MARCHF7: variants seen among roughly 807,000 people sequenced by gnomAD.
MARCHF7 encodes the protein membrane associated ring-CH-type finger 7.
MARCHF7 carries 20 observed loss-of-function variants against 76.5 expected under a neutral mutation model. The observed-to-expected ratio is 0.26, with a 90% confidence interval of 0.18 to 0.38. MARCHF7 has a LOEUF of 0.38. Among genes scored for constraint, MARCHF7 ranks in the 10% least tolerant of loss-of-function variants. The pLI is 1.00. For missense variants in MARCHF7, 797 were observed against 812.9 expected (o/e 0.98, Z 0.24); for synonymous variants, 295 against 293.0 (o/e 1.01, Z -0.07).
chr2:159,733,693 T>C (rs1574281045), intron 4 of MARCHF7: 2 of 985,420 alleles, frequency 2.0e-6, no homozygotes, highest in South Asian at 4.7e-5. Flanking sequence ...TTCAGTTATG[T>C]TATAGACTTA....
intron 3 of MARCHF7, among the ~76,000 whole-genome samples, chr2:159,717,529 A>T (rs991227093): frequency 2.6e-5 from 4 of 152,216 alleles, no homozygotes; most frequent in Non-Finnish European, 4.4e-5. Context: ...ACTTTAAGTC[A>T]TACTCAGGTA....
chr2:159,716,266 A>AT (rs11454651), intron 3 of MARCHF7, among the ~76,000 whole-genome samples: 56,954 of 148,166 alleles, frequency 0.38, 11,328 homozygotes, highest in Admixed American at 0.51. Context: ...CCAGAAGCAG[A>AT]TTTTTTTTTT....
intron 8 of MARCHF7, among the ~76,000 whole-genome samples, chr2:159,756,479 G>A (rs1292076712): frequency 2.0e-5 from 3 of 152,014 alleles, no homozygotes; most frequent in East Asian, 3.9e-4. Flanking sequence ...CTGAGGTCAG[G>A]AGTTCAAGAC....
intron 4 of MARCHF7, chr2:159,732,822 A>G (rs1702977595): frequency 2.0e-6 from 2 of 984,164 alleles, no homozygotes; most frequent in Non-Finnish European, 1.2e-6. Context: ...ATCTGCCATC[A>G]TGCCTGGCCT....
chr2:159,740,891 A>G (rs1704045083), intron 4 of MARCHF7, among the ~76,000 whole-genome samples: 1 of 152,158 alleles, frequency 6.6e-6, no homozygotes, highest in African/African-American at 2.4e-5. Context: ...TAATTGAACC[A>G]TATTGGCTGG....
intron 1 of MARCHF7, among the ~76,000 whole-genome samples, chr2:159,714,096 A>G (rs935712669): frequency 6.6e-6 from 1 of 152,232 alleles, no homozygotes; most frequent in Non-Finnish European, 1.5e-5. Context: ...TGGACACAAA[A>G]GTCATCCATG....
At chr2:159,742,430 G>C (rs1414322857) in intron 4 of MARCHF7, among the ~76,000 whole-genome samples, 1 of 151,670 alleles carries the variant, frequency 6.6e-6, no homozygotes, top group Admixed American at 6.6e-5. Flanking sequence ...CAGGGTTCCT[G>C]AAAAGACTGA....
intron 4 of MARCHF7, among the ~76,000 whole-genome samples, chr2:159,738,231 C>G (rs184133136): frequency 2.8e-4 from 43 of 152,122 alleles, no homozygotes; most frequent in Non-Finnish European, 5.0e-4. Flanking sequence ...CGCAGTGGCA[C>G]CCAAAAGCTT....
At chr2:159,713,722 C>T (rs973661226) in intron 1 of MARCHF7, among the ~76,000 whole-genome samples, 1 of 152,142 alleles carries the variant, frequency 6.6e-6, no homozygotes, top group Non-Finnish European at 1.5e-5. Context: ...AACAGCTCTA[C>T]AGCATTTTGG....
intron 3 of MARCHF7, among the ~76,000 whole-genome samples, chr2:159,718,442 G>T (rs1015942687): frequency 1.3e-5 from 2 of 152,096 alleles, no homozygotes; most frequent in Non-Finnish European, 2.9e-5. Context: ...ATTTTTGTTA[G>T]ACTGGTTATT....
chr2:159,713,619 A>G (rs1700586071), intron 1 of MARCHF7, among the ~76,000 whole-genome samples: 1 of 152,236 alleles, frequency 6.6e-6, no homozygotes, highest in African/African-American at 2.4e-5. Flanking sequence ...GTATACAGTT[A>G]TTAAGAAGGC....
intron 4 of MARCHF7, among the ~76,000 whole-genome samples, chr2:159,731,801 T>TA (rs1247905471): frequency 3.9e-4 from 59 of 150,808 alleles, no homozygotes; most frequent in African/African-American, 1.1e-3. Flanking sequence ...TAGCATTTTT[T>TA]AAAAAAAACC....
intron 6 of MARCHF7, among the ~76,000 whole-genome samples, chr2:159,747,218 C>T (rs981361117): frequency 2.0e-5 from 3 of 151,944 alleles, no homozygotes; most frequent in Admixed American, 2.0e-4. Flanking sequence ...ATATAACACA[C>T]GTAATTCTAA....
chr2:159,715,901 T>A (rs1006375339), intron 3 of MARCHF7, 135 bp downstream of exon 3: 1 of 152,224 alleles, frequency 6.6e-6, no homozygotes, highest in Non-Finnish European at 1.5e-5. Flanking sequence ...AGTGTGATGT[T>A]TCATACTTTG....
intron 8 of MARCHF7, among the ~76,000 whole-genome samples, chr2:159,758,777 G>T (rs1447252708): frequency 6.6e-6 from 1 of 152,170 alleles, no homozygotes; most frequent in Non-Finnish European, 1.5e-5. Flanking sequence ...ACTCCAAAAG[G>T]TCTTAGGTAT....
At chr2:159,720,655 T>A (rs1054648143) in intron 3 of MARCHF7, among the ~76,000 whole-genome samples, 4 of 152,200 alleles carry the variant, frequency 2.6e-5, no homozygotes, top group African/African-American at 9.6e-5. Flanking sequence ...GAAAAAATAC[T>A]TGTAGAAATA....
chr2:159,734,520 T>A (rs1703220406), intron 4 of MARCHF7, among the ~76,000 whole-genome samples: 1 of 152,094 alleles, frequency 6.6e-6, no homozygotes, highest in Admixed American at 6.5e-5. Flanking sequence ...AATATACAGA[T>A]AGAATACTGA....
intron 4 of MARCHF7, among the ~76,000 whole-genome samples, chr2:159,742,497 G>C (rs1704248958): frequency 1.3e-5 from 2 of 151,784 alleles, no homozygotes; most frequent in South Asian, 4.2e-4. Flanking sequence ...ACAAATATTA[G>C]GAAAAATGAT....
intron 4 of MARCHF7, among the ~76,000 whole-genome samples, chr2:159,737,710 C>T (rs556077061): frequency 6.6e-6 from 1 of 152,238 alleles, no homozygotes; most frequent in East Asian, 1.9e-4. Flanking sequence ...ATTGCTTGGG[C>T]CCAGGAAGTC....
Sources: allele counts gnomAD v4.1 joint callset (sites outside exome capture counted in the v4.1 genomes callset), GRCh38; gene constraint gnomAD v4.1.1; transcripts MANE v1.5; gene names NCBI Gene and HGNC (gene_info 2026-07-23, HGNC 2026-07-21).